The following CYP2W1 variants were observed in gnomAD, a reference collection of about 807,000 sequenced individuals.
CYP2W1 encodes the protein cytochrome P450 family 2 subfamily W member 1.
CYP2W1 carries 51 observed loss-of-function variants against 44.9 expected under a neutral mutation model. The ratio of observed to expected loss-of-function variants is 1.14; its 90% CI spans 0.91 to 1.43. CYP2W1 has a LOEUF of 1.43. Ranked by LOEUF, CYP2W1 falls within the 40% of genes most tolerant of loss-of-function variation. CYP2W1 has a pLI of 0.00. For synonymous variants in CYP2W1, 383 were observed against 338.3 expected, an observed-to-expected ratio of 1.13 and a Z score of -1.45; for missense variants, 746 against 700.0, an observed-to-expected ratio of 1.07 and a Z score of -0.74.
chr7:986,592 C>T (rs747594942), intron 4 of CYP2W1, 32 bp from the exon 5 acceptor site: 1 of 1,610,674 alleles, frequency 6.2e-7, no homozygotes, highest in Admixed American at 1.7e-5. Context: ...GGGGCTGCGT[C>T]CTTATCTCCG....
Position 986,800 on chromosome 7 carries a change from G to GCCCAGCTAACGGCTGTAATCCCAGCAC in CYP2W1, c.819+3_819+4insCCCAGCTAACGGCTGTAATCCCAGCAC. The stretch of plus-strand genomic sequence containing the variant: ...ACGCCCTGATCCAGCAGGGACAGGT[G>GCCCAGCTAACGGCTGTAATCCCAGCAC]TGTCGGGACCCAAGACCTCCTTGAA... On this transcript the variant is annotated splice_donor_region_variant and intron_variant, in intron 5 of 8. Coordinates refer to ENST00000308919, the MANE Select transcript of CYP2W1 (RefSeq NM_017781.3). 1 of 1,551,296 alleles carries GCCCAGCTAACGGCTGTAATCCCAGCAC rather than the reference G, an allele frequency of 6.4e-7. No individual in the cohort carries two copies. Among genetic ancestry groups the GCCCAGCTAACGGCTGTAATCCCAGCAC allele is most frequent in the East Asian group, 2.3e-5 (1 of 43,730 alleles).
At chr7:985,390 C>G in intron 4 of CYP2W1, 67 bp downstream of exon 4, 3 of 1,510,578 alleles carry the variant, frequency 2.0e-6, no homozygotes, top group Non-Finnish European at 2.7e-6. Flanking sequence ...AGCAGGAGGA[C>G]GGGGGCCCCA....
chr7:987,379 G>A lies in CYP2W1; in HGVS notation c.991G>A (p.Gly331Ser). The change falls in exon 7 of 9, where the codon GGC becomes AGC. Residue 331 changes from glycine to serine, a missense_variant. Gly to Ser is a moderately conservative substitution (Grantham distance 56). Coordinates refer to ENST00000308919, the MANE Select transcript of CYP2W1 (RefSeq NM_017781.3). ...GCAGGAGGAGCTAGACCGCGTGCTGGGCCCTGGGCGGACTCCCCGGCTGGA... is the reference window on the plus strand; with the variant it reads ...GCAGGAGGAGCTAGACCGCGTGCTGAGCCCTGGGCGGACTCCCCGGCTGGA... ...RVQEELDRVL[G>S]PGRTPRLEDQ... 6.3e-7 allele frequency: 1 copy of A among 1,593,748 alleles called. No individual in the cohort carries two copies. The highest frequency in any genetic ancestry group is 8.5e-7 in the Non-Finnish European group (1 of 1,176,822).
At position 985,171 on chromosome 7, in the gene CYP2W1, C is replaced by G. The variant is rs753913822; in HGVS notation, c.493C>G (p.Pro165Ala). The G allele has an allele frequency of 6.3e-7, 1 of 1,580,670 alleles. No homozygotes were observed. The highest frequency in any genetic ancestry group is 2.3e-5 in the East Asian group (1 of 43,586). ...SGQLDGYRGR[P>A]FPLALLGWAP... Reference sequence around the variant, plus strand: ...GAGGCCCGTCTCCCTCGCAGGCCGGCCCTTCCCGCTGGCCCTACTGGGCTG... The same window carrying G: ...GAGGCCCGTCTCCCTCGCAGGCCGGGCCTTCCCGCTGGCCCTACTGGGCTG... Residue 165 changes from proline to alanine, a missense_variant, in exon 4 of 9, where the codon CCC (proline) becomes GCC (alanine). Coordinates refer to ENST00000308919, the MANE Select transcript of CYP2W1 (RefSeq NM_017781.3).
At chr7:986,097 G>A (rs1434428244) in intron 4 of CYP2W1, among the ~76,000 whole-genome samples, 1 of 152,200 alleles carries the variant, frequency 6.6e-6, no homozygotes, top group Non-Finnish European at 1.5e-5. Flanking sequence ...GGCCTTCCCT[G>A]CTGGTGCCAG....
chr7:983,309 C>A lies in CYP2W1; in HGVS notation c.98C>A (p.Pro33Gln). Residue 33 changes from proline (P) to glutamine (Q), a missense_variant, in exon 1 of 9, where the codon CCG becomes CAG. Transcript: ENST00000308919. ...QDPSPAARWP[P>Q]GPRPLPLVGN... is the part of the protein sequence containing the mutation. ...CCCTCCCCAGCTGCCCGGTGGCCCC[C>A]GGGGCCTCGCCCGCTGCCGCTCGTC... 1 of 1,541,264 alleles carries A rather than the reference C, an allele frequency of 6.5e-7. No homozygotes were observed. Among genetic ancestry groups the A allele is most frequent in the South Asian group, 1.2e-5 (1 of 83,590 alleles).
At position 984,454 on chromosome 7, in the gene CYP2W1, C is replaced by T. The variant is rs1395532091; in HGVS notation, c.217C>T (p.Arg73Cys). ...GCCGGTGTTCACCGTGCACCTGGGG[C>T]GCCAGAAGACGGTGGTGCTGACGGG... Reference protein sequence around the residue: ...YGPVFTVHLGRQKTVVLTGFE... With the variant: ...YGPVFTVHLGCQKTVVLTGFE... Residue 73 changes from arginine (R) to cysteine (C), a missense_variant, in exon 2 of 9, where the codon CGC becomes TGC. Arg to Cys is a radical substitution (Grantham distance 180, BLOSUM62 -3). Coordinates refer to ENST00000308919, the MANE Select transcript of CYP2W1 (RefSeq NM_017781.3). 6 of 1,549,974 alleles carry T rather than the reference C, an allele frequency of 3.9e-6. No individual in the cohort carries two copies. Among genetic ancestry groups the T allele is most frequent in the Admixed American group, 2.0e-5 (1 of 51,140 alleles).
Position 987,232 on chromosome 7 carries a change from C to A in CYP2W1, c.945C>A (p.His315Gln). 6.5e-7 allele frequency: 1 copy of A among 1,533,456 alleles called. No individual in the cohort carries two copies. Among genetic ancestry groups the A allele is most frequent in the Non-Finnish European group, 8.8e-7 (1 of 1,139,326 alleles). 95.0% of individuals were successfully genotyped at this position (1,533,456 alleles called of 1,614,324 possible). A position where few individuals can be genotyped will look rare whatever the true frequency, so the allele number is the denominator to read the frequency against. Residue 315 changes from histidine (H) to glutamine (Q), a missense_variant, in exon 6 of 9, where the codon CAC becomes CAA. Physicochemically the swap from His to Gln is conservative, Grantham distance 24 (BLOSUM62 0). Coordinates refer to ENST00000308919, the MANE Select transcript of CYP2W1 (RefSeq NM_017781.3). The part of the protein sequence containing the change: ...LQWAALLMGR[H>Q]PDVQGRVQEE... ...GGGCCGCACTTCTGATGGGCCGGCA[C>A]CCGGACGTGCAGGGTGAGACCCCGG...
At chr7:987,808 G>A (rs907784366) in intron 7 of CYP2W1, among the ~76,000 whole-genome samples, 1 of 151,548 alleles carries the variant, frequency 6.6e-6, no homozygotes, top group Admixed American at 6.6e-5. Flanking sequence ...TGTCCTAGGC[G>A]ATCCCCTCGG....
At position 989,226 on chromosome 7, in the gene CYP2W1, G is replaced by A. The variant is rs1848637447; in HGVS notation, c.*404G>A. 9.5e-6 allele frequency: 2 copies of A among 209,872 alleles called. No homozygotes were observed. Among genetic ancestry groups the A allele is most frequent in the South Asian group, 1.5e-4 (1 of 6,614 alleles). The allele number at this position is 209,872 out of a possible 1,614,324, so 13.0% of individuals were successfully genotyped here. On this transcript the variant is annotated 3_prime_UTR_variant, in exon 9 of 9. Coordinates refer to ENST00000308919, the MANE Select transcript of CYP2W1 (RefSeq NM_017781.3). ...GCGCAGGTGGGTGTCCTCAGCGTGC[G>A]AGCCCTGCACCCCCCAGGTCCTGGG... is the stretch of plus-strand genomic sequence containing the variant.
rs1193998445 is a variant in CYP2W1, at chr7:983,317, C to T, written c.106C>T (p.Arg36Cys). 41 of 1,540,026 alleles carry T rather than the reference C, an allele frequency of 2.7e-5. No homozygotes were observed. Among genetic ancestry groups the T allele is most frequent in the Middle Eastern group, 4.5e-4 (2 of 4,406 alleles). ...SPAARWPPGP[R>C]PLPLVGNLHL... ...AGCTGCCCGGTGGCCCCCGGGGCCTCGCCCGCTGCCGCTCGTCGGGAACCT... is the reference window on the plus strand; with the variant it reads ...AGCTGCCCGGTGGCCCCCGGGGCCTTGCCCGCTGCCGCTCGTCGGGAACCT... Residue 36 changes from arginine to cysteine, a missense_variant, in exon 1 of 9, where the codon CGC becomes TGC. Physicochemically the swap from Arg to Cys is radical, Grantham distance 180 (BLOSUM62 -3). Coordinates refer to ENST00000308919, the MANE Select transcript of CYP2W1 (RefSeq NM_017781.3).
Position 989,372 on chromosome 7 carries a change from G to T in CYP2W1, c.*550G>T. 6.4e-6 allele frequency: 1 copy of T among 155,812 alleles called. No homozygotes were observed. The highest frequency in any genetic ancestry group is 6.3e-5 in the Admixed American group (1 of 15,908). The allele number at this position is 155,812 out of a possible 1,614,324, so 9.7% of individuals were successfully genotyped here. On this transcript the variant is annotated 3_prime_UTR_variant, in exon 9 of 9. Transcript: ENST00000308919. The stretch of plus-strand genomic sequence containing the variant: ...CACTGGGGCCATGCGTATGACTGGT[G>T]CAGGGAGGCAAGGCCCACATTCTCC...
intron 7 of CYP2W1, 94 bp downstream of exon 7, chr7:987,625 G>A (rs866972659): frequency 1.3e-5 from 16 of 1,235,488 alleles, no homozygotes; most frequent in Middle Eastern, 2.8e-4. Context: ...TCTGGTGGGT[G>A]CCTGATGGCC....
At position 985,110 on chromosome 7, in the gene CYP2W1, G is replaced by A. The variant is rs367643803; in HGVS notation, c.487+11G>A. On this transcript the variant is annotated intron_variant, in intron 3 of 8. Coordinates refer to ENST00000308919, the MANE Select transcript of CYP2W1 (RefSeq NM_017781.3). ...TGGATGGCTACAGAGGTGAGCAGGG[G>A]GCCGGGGACGCCCCTCCCCGGGCCT... 1.2e-6 allele frequency: 2 copies of A among 1,610,364 alleles called. No individual in the cohort carries two copies. Among genetic ancestry groups the A allele is most frequent in the Non-Finnish European group, 1.7e-6 (2 of 1,178,886 alleles).
At chr7:986,437 C>CG in intron 4 of CYP2W1, 187 bp from the exon 5 acceptor site, 4 of 653,706 alleles carry the variant, frequency 6.1e-6, no homozygotes, top group East Asian at 5.7e-5. Context: ...GGGACACGGA[C>CG]AGGGGGTTTC....
Position 984,941 on chromosome 7 carries a change from T to G in CYP2W1, c.338-9T>G, listed in dbSNP as rs1848210274. On this transcript the variant is annotated splice_polypyrimidine_tract_variant and intron_variant, in intron 2 of 8. Coordinates refer to ENST00000308919, the MANE Select transcript of CYP2W1 (RefSeq NM_017781.3). ...ACCTGGGCTCACCACGCACTGTATC[T>G]GCCTACAGGCATCTTCTTCTCATCT... 1.3e-6 allele frequency: 2 copies of G among 1,590,438 alleles called. No individual in the cohort carries two copies. The highest frequency in any genetic ancestry group is 2.7e-5 in the African/African-American group (2 of 74,724).
At position 988,862 on chromosome 7, in the gene CYP2W1, C is replaced by T; in HGVS notation, c.*40C>T. ...CCCAGGTCCTCCTGACCACTCCCCT[C>T]CCAGCCCTGGGTCCTCCCACCCTCT... On this transcript the variant is annotated 3_prime_UTR_variant, in exon 9 of 9. Coordinates refer to ENST00000308919, the MANE Select transcript of CYP2W1 (RefSeq NM_017781.3). The T allele has an allele frequency of 7.6e-7, 1 of 1,310,776 alleles. No homozygotes were observed. Among genetic ancestry groups the T allele is most frequent in the Non-Finnish European group, 1.0e-6 (1 of 961,224 alleles). The allele number at this position is 1,310,776 out of a possible 1,614,324, so 81.2% of individuals were successfully genotyped here. A position where few individuals can be genotyped will look rare whatever the true frequency, so the allele number is the denominator to read the frequency against.
rs371785180 is a variant in CYP2W1, at chr7:983,360, C to G, written c.149C>G (p.Ser50Trp). The change falls in exon 1 of 9, where the codon TCG (serine) becomes TGG (tryptophan). Residue 50 changes from serine to tryptophan, a missense_variant. Ser to Trp is a radical substitution (Grantham distance 177). Coordinates refer to ENST00000308919, the MANE Select transcript of CYP2W1 (RefSeq NM_017781.3). ...LVGNLHLLRL[S>W]QQDRSLMELS... ...GGGAACCTGCACTTGCTGCGTCTGT[C>G]GCAACAGGACCGGTCCCTGATGGAG... The G allele has an allele frequency of 2.0e-6, 3 of 1,532,762 alleles. No individual in the cohort carries two copies. The East Asian group carries it at 7.4e-5, about 38-fold the overall frequency. 94.9% of individuals were successfully genotyped at this position (1,532,762 alleles called of 1,614,324 possible). A position where few individuals can be genotyped will look rare whatever the true frequency, so the allele number is the denominator to read the frequency against.
intron 2 of CYP2W1, 47 bp from the exon 3 acceptor site, chr7:984,903 G>T: frequency 6.5e-7 from 1 of 1,536,146 alleles, no homozygotes; most frequent in Non-Finnish European, 8.7e-7. Flanking sequence ...TGGCGGGGCT[G>T]GCTGGGGTGG....
Sources: allele counts gnomAD v4.1 joint callset (sites outside exome capture counted in the v4.1 genomes callset), GRCh38; gene constraint gnomAD v4.1.1; transcripts MANE v1.5; gene names NCBI Gene and HGNC (gene_info 2026-07-23, HGNC 2026-07-21).